Variants in AK8 observed in about 807,000 individuals in gnomAD.
AK8 encodes the protein adenylate kinase 8.
In AK8, 44 loss-of-function variants were observed where a neutral mutation model predicts 54.6. The observed-to-expected ratio is 0.81, with a 90% confidence interval of 0.63 to 1.04. AK8 has a LOEUF of 1.04. AK8 is among the 50% of genes least tolerant of loss of function. The pLI is 0.00. For synonymous variants in AK8, 239 were observed against 245.6 expected, an observed-to-expected ratio of 0.97 and a Z score of 0.25; for missense variants, 555 against 613.6, an observed-to-expected ratio of 0.90 and a Z score of 1.01.
intron 1 of AK8, among the ~76,000 whole-genome samples, chr9:132,877,399 G>C (rs987193742): frequency 2.0e-5 from 3 of 152,168 alleles, no homozygotes; most frequent in African/African-American, 7.2e-5. Context: ...ATGCCCCTGG[G>C]GATGGGGTGT....
chr9:132,759,616 T>C (rs1186501264), intron 11 of AK8, among the ~76,000 whole-genome samples: 1 of 152,218 alleles, frequency 6.6e-6, no homozygotes, highest in Non-Finnish European at 1.5e-5. Context: ...GATTGTTACA[T>C]ATATGGGGCA....
intron 11 of AK8, among the ~76,000 whole-genome samples, chr9:132,745,337 G>C (rs1391895310): frequency 1.3e-5 from 2 of 152,150 alleles, no homozygotes; most frequent in Non-Finnish European, 2.9e-5. Context: ...CCCTCTCTCG[G>C]ATTACGCGGC....
At chr9:132,845,418 C>T (rs1311913505) in intron 5 of AK8, among the ~76,000 whole-genome samples, 1 of 152,188 alleles carries the variant, frequency 6.6e-6, no homozygotes, top group Non-Finnish European at 1.5e-5. Flanking sequence ...ACTGCAGGTG[C>T]ACTATGCAAA....
intron 2 of AK8, among the ~76,000 whole-genome samples, chr9:132,871,177 C>T (rs967747940): frequency 2.0e-5 from 3 of 152,190 alleles, no homozygotes; most frequent in South Asian, 2.1e-4. Flanking sequence ...ACCTGGGAGG[C>T]GGAGCTTGCA....
chr9:132,748,646 A>G (rs997565200), intron 11 of AK8, among the ~76,000 whole-genome samples: 12 of 151,928 alleles, frequency 7.9e-5, no homozygotes, highest in African/African-American at 2.7e-4. Flanking sequence ...GGCCTCCCAC[A>G]GCTTTTACCA....
At chr9:132,874,593 G>GTGCTCCGGCCTTGGGTCAGGCTGACC (rs1844004780) in intron 2 of AK8, among the ~76,000 whole-genome samples, 1 of 152,262 alleles carries the variant, frequency 6.6e-6, no homozygotes, top group African/African-American at 2.4e-5. Context: ...CCCCAGTTCT[G>GTGCTCCGGCCTTGGGTCAGGCTGACC]TGCTCCGGCC....
chr9:132,779,808 G>A (rs1348524461), intron 11 of AK8, among the ~76,000 whole-genome samples: 2 of 152,186 alleles, frequency 1.3e-5, no homozygotes, highest in African/African-American at 4.8e-5. Flanking sequence ...TTGCATAAAG[G>A]ATAGAATTTA....
At chr9:132,780,336 G>A (rs1839409842) in intron 11 of AK8, among the ~76,000 whole-genome samples, 8 of 152,230 alleles carry the variant, frequency 5.3e-5, no homozygotes, top group Admixed American at 5.2e-4. Flanking sequence ...AGACTGCGCT[G>A]AGTGCGGAAG....
At chr9:132,809,017 A>G (rs1453494481) in intron 10 of AK8, among the ~76,000 whole-genome samples, 2 of 152,220 alleles carry the variant, frequency 1.3e-5, no homozygotes, top group South Asian at 2.1e-4. Flanking sequence ...CAGAGATGCT[A>G]GGGGCCTCTG....
intron 11 of AK8, among the ~76,000 whole-genome samples, chr9:132,778,401 A>G (rs1839318506): frequency 6.6e-6 from 1 of 152,180 alleles, no homozygotes; most frequent in Admixed American, 6.5e-5. Flanking sequence ...TCAGGCCTCC[A>G]TTAATGGGCT....
chr9:132,744,233 A>G (rs910222185), intron 11 of AK8, among the ~76,000 whole-genome samples: 1 of 152,142 alleles, frequency 6.6e-6, no homozygotes, highest in African/African-American at 2.4e-5. Context: ...TTCGTCCCCA[A>G]TCACAGCTGC....
chr9:132,846,537 ATGAATGAATGAATGAG>A (rs1842760208), intron 5 of AK8, among the ~76,000 whole-genome samples: 1 of 96,504 alleles, frequency 1.0e-5, no homozygotes, highest in African/African-American at 2.9e-5. Context: ...GAATGAATGA[ATGAATGAATGAATGAG>A]TACTTTTAGG....
At chr9:132,853,892 C>T (rs1843069410) in intron 5 of AK8, among the ~76,000 whole-genome samples, 1 of 141,990 alleles carries the variant, frequency 7.0e-6, no homozygotes, top group South Asian at 2.3e-4. Context: ...TTAAAAATTA[C>T]AAAAAAAGAA....
At chr9:132,843,878 A>G (rs1415614146) in intron 5 of AK8, among the ~76,000 whole-genome samples, 1 of 152,174 alleles carries the variant, frequency 6.6e-6, no homozygotes, top group Non-Finnish European at 1.5e-5. Flanking sequence ...AAATTCATTC[A>G]TTCTTTAAAA....
rs1032687383 is a variant in AK8 at position 132,804,567 on chromosome 9, G to C, written c.979+10071C>G. 7.9e-5 allele frequency among the ~76,000 whole-genome samples: 12 copies of C among 151,948 alleles called. No individual in the cohort carries two copies. In the East Asian group the frequency reaches 1.4e-3, roughly 17 times the overall value. The stretch of plus-strand genomic sequence containing the variant: ...GCTTCCACAGGCTCTTCCCAGGGAG[G>C]GGGGTGGGAGCAGGTACATCCCTCT... On this transcript the variant is annotated intron_variant, in intron 10 of 12. Coordinates refer to ENST00000298545, the MANE Select transcript of AK8 (RefSeq NM_152572.3).
intron 11 of AK8, among the ~76,000 whole-genome samples, chr9:132,754,799 G>GA (rs202163458): frequency 6.9e-6 from 1 of 144,002 alleles, no homozygotes. Flanking sequence ...TTTGTTTTTT[G>GA]GTTTTTTTTT....
Position 132,878,098 on chromosome 9 carries a change from G to A in AK8, c.84+74C>T, listed in dbSNP as rs1009124001. ...GACTCGGCCCCAGCTGCGGGTCCCG[G>A]CCGCGCACCCGACGTCGCAGTGGAG... On this transcript the variant is annotated intron_variant, in intron 1 of 12. Coordinates refer to ENST00000298545, the MANE Select transcript of AK8 (RefSeq NM_152572.3). The surrounding 1 kb of genome is among the most constrained non-coding windows in gnomAD (Gnocchi z 4.7). The A allele has an allele frequency of 6.5e-7, 1 of 1,540,950 alleles. No individual in the cohort carries two copies. The highest frequency in any genetic ancestry group is 8.8e-7 in the Non-Finnish European group (1 of 1,139,626).
chr9:132,850,618 G>A lies in AK8; in HGVS notation c.402+4239C>T, dbSNP rs956561102. Among the ~76,000 whole-genome samples, 13 of 152,144 alleles carry A rather than the reference G, an allele frequency of 8.5e-5. No homozygotes were observed. In the East Asian group the frequency reaches 9.7e-4, roughly 11 times the overall value. On this transcript the variant is annotated intron_variant, in intron 5 of 12. Transcript: ENST00000298545. ...TTGCCATGTTGGCCAGGCTGGTCTC[G>A]AAATCCTGACCTCAGGTGATCCGCC...
At chr9:132,820,144 GA>G (rs35984099) in intron 9 of AK8, among the ~76,000 whole-genome samples, 7,111 of 72,624 alleles carry the variant, frequency 0.098, 249 homozygotes, top group East Asian at 0.36. Flanking sequence ...AGTAAGACCC[GA>G]AAAAAAAAAA....
Sources: gnomAD v4.1 joint callset for allele counts (sites outside exome capture counted in the v4.1 genomes callset) on GRCh38, gnomAD v4.1.1 for gene constraint, Gnocchi (gnomAD v3.1) non-coding constraint, MANE v1.5 for transcripts, NCBI Gene and HGNC (gene_info 2026-07-23, HGNC 2026-07-21) for gene names.